TUFT1: variants seen among roughly 807,000 people sequenced by gnomAD.
TUFT1 encodes the protein tuftelin 1.
TUFT1 carries 43 observed loss-of-function variants against 57.8 expected under a neutral mutation model. The observed-to-expected ratio is 0.74, with a 90% CI of 0.58 to 0.96. TUFT1 has a LOEUF of 0.96. Ranked by LOEUF, TUFT1 falls within the 40% of genes least tolerant of loss-of-function variation. The pLI, the probability that TUFT1 is intolerant of heterozygous loss-of-function variation, is 0.00. For synonymous variants in TUFT1, 166 were observed against 176.7 expected, an observed-to-expected ratio of 0.94 and a Z score of 0.48; for missense variants, 459 against 489.0, an observed-to-expected ratio of 0.94 and a Z score of 0.58.
Position 151,579,746 on chromosome 1 carries a change from G to C in TUFT1, c.1008+14G>C. ...CTGGAGGCAGAGGTGTGTGTGCTGG[G>C]CAGCCCAGCAGGGGAACAGGACTCT... On this transcript the variant is annotated intron_variant, in intron 11 of 12. Coordinates refer to ENST00000368849, the MANE Select transcript of TUFT1 (RefSeq NM_020127.3). 1 of 1,611,666 alleles carries C rather than the reference G, an allele frequency of 6.2e-7. No homozygotes were observed. Among genetic ancestry groups the C allele is most frequent in the South Asian group, 1.1e-5 (1 of 90,588 alleles).
chr1:151,550,423 C>T (rs2102522246), intron 1 of TUFT1, among the ~76,000 whole-genome samples: 1 of 152,306 alleles, frequency 6.6e-6, no homozygotes, highest in South Asian at 2.1e-4. Context: ...TGGCTCACTG[C>T]AGCCTCCGCC....
At chr1:151,564,014 C>T (rs754370476) in intron 4 of TUFT1, 24 bp downstream of exon 4, 2 of 1,572,024 alleles carry the variant, frequency 1.3e-6, no homozygotes, top group South Asian at 1.1e-5. Flanking sequence ...ACCTCTCACG[C>T]AGTGCCTAGG....
chr1:151,563,011 C>G (rs746931088), intron 3 of TUFT1, among the ~76,000 whole-genome samples: 2 of 151,994 alleles, frequency 1.3e-5, no homozygotes, highest in Non-Finnish European at 2.9e-5. Context: ...CTTATGTTTT[C>G]CTATAATGGG....
intron 1 of TUFT1, among the ~76,000 whole-genome samples, chr1:151,555,254 G>T (rs1665652854): frequency 6.6e-6 from 1 of 150,742 alleles, no homozygotes; most frequent in South Asian, 2.1e-4. Context: ...GCTTGAACTG[G>T]GGAGTCAGAG....
intron 1 of TUFT1, among the ~76,000 whole-genome samples, chr1:151,554,695 C>CCTTTTTTTTTTTTTTTTTTT (rs1553249393): frequency 1.2e-5 from 1 of 85,652 alleles, no homozygotes; most frequent in African/African-American, 5.1e-5. Context: ...GCCCGGCCCC[C>CCTTTTTTTTTTTTTTTTTTT]TTTTTTTTTT....
At chr1:151,548,752 C>CT (rs143265314) in intron 1 of TUFT1, among the ~76,000 whole-genome samples, 77 of 152,250 alleles carry the variant, frequency 5.1e-4, no homozygotes, top group African/African-American at 1.8e-3. Context: ...TTGCTGGTTT[C>CT]CAGCTCAGGG....
At chr1:151,579,538 T>G (rs1191643616) in intron 10 of TUFT1, 111 bp from the exon 11 acceptor site, 12 of 946,414 alleles carry the variant, frequency 1.3e-5, no homozygotes, top group Non-Finnish European at 1.9e-5. Flanking sequence ...GCTAATGAAG[T>G]CATATGGAGT....
intron 1 of TUFT1, among the ~76,000 whole-genome samples, chr1:151,543,023 A>G (rs1363966554): frequency 6.6e-6 from 1 of 152,174 alleles, no homozygotes; most frequent in Non-Finnish European, 1.5e-5. Context: ...TAGAGATCCT[A>G]CTGGGAGTGA....
intron 1 of TUFT1, chr1:151,540,683 C>T (rs974621938): frequency 2.1e-6 from 1 of 465,412 alleles, no homozygotes; most frequent in South Asian, 2.4e-5. Flanking sequence ...GCCTGGGACT[C>T]GGCGCCGGCG....
intron 7 of TUFT1, among the ~76,000 whole-genome samples, chr1:151,573,995 C>T (rs1013569438): frequency 6.6e-6 from 1 of 152,070 alleles, no homozygotes; most frequent in Admixed American, 6.6e-5. Context: ...GAAGGAGTCA[C>T]CTATCTGAAA....
chr1:151,552,620 C>G (rs1353899262), intron 1 of TUFT1, among the ~76,000 whole-genome samples: 2 of 134,176 alleles, frequency 1.5e-5, no homozygotes, highest in Non-Finnish European at 3.1e-5. Context: ...AGGAGAATTG[C>G]TTGAGCCCGG....
Position 151,574,299 on chromosome 1 carries a change from A to G in TUFT1, c.624A>G (p.Ala208=), listed in dbSNP as rs755652458. 12 of 1,614,156 alleles carry G rather than the reference A, an allele frequency of 7.4e-6. No individual in the cohort carries two copies. In the East Asian group the frequency reaches 1.1e-4, roughly 15 times the overall value. ...CACTCAGCCGGTACCAGAGGGAAGC[A>G]GAACAAAGTAATGTGGCCCTTCAGA... ...EVTLSRYQRE[A]EQSNVALQRE... is the part of the protein sequence containing the mutation. Residue 208 remains alanine (A), a synonymous_variant, in exon 8 of 13, where the codon GCA becomes GCG. Coordinates refer to ENST00000368849, the MANE Select transcript of TUFT1 (RefSeq NM_020127.3).
intron 4 of TUFT1, among the ~76,000 whole-genome samples, chr1:151,564,321 A>G (rs930582682): frequency 6.6e-6 from 1 of 151,902 alleles, no homozygotes; most frequent in Non-Finnish European, 1.5e-5. Context: ...CATTTTACTT[A>G]TTTGTCTTTT....
intron 1 of TUFT1, among the ~76,000 whole-genome samples, chr1:151,552,073 T>G (rs2102524080): frequency 6.6e-6 from 1 of 152,310 alleles, no homozygotes; most frequent in East Asian, 1.9e-4. Context: ...ATATTAGTTT[T>G]GCTTATTTTT....
At chr1:151,569,590 G>A (rs954467441) in intron 6 of TUFT1, 67 bp from the exon 7 acceptor site, 73 of 1,315,282 alleles carry the variant, frequency 5.6e-5, no homozygotes, top group Admixed American at 4.1e-4. Context: ...TGCCTGGGAG[G>A]GGGGACCTTT....
At chr1:151,572,366 A>AT (rs1666281819) in intron 7 of TUFT1, among the ~76,000 whole-genome samples, 1 of 151,584 alleles carries the variant, frequency 6.6e-6, no homozygotes. Context: ...AGGGGAGTCT[A>AT]TTTTTTTTAA....
At chr1:151,544,351 C>T (rs547659564) in intron 1 of TUFT1, among the ~76,000 whole-genome samples, 13 of 152,150 alleles carry the variant, frequency 8.5e-5, no homozygotes, top group Admixed American at 2.0e-4. Context: ...GGCTGGGGTG[C>T]GGTGGCACAA....
intron 1 of TUFT1, among the ~76,000 whole-genome samples, chr1:151,550,218 A>C (rs908308290): frequency 4.6e-5 from 7 of 151,260 alleles, no homozygotes; most frequent in Non-Finnish European, 1.0e-4. Flanking sequence ...TTTTTAGTAG[A>C]GACGGGGTTT....
rs1271148354 is a variant in TUFT1 at position 151,578,816 on chromosome 1, T to C, written c.914T>C (p.Met305Thr). The C allele has an allele frequency of 1.9e-6, 3 of 1,566,548 alleles. No homozygotes were observed. The East Asian group carries it at 7.1e-5, about 37-fold the overall frequency. Reference protein sequence around the residue: ...LKSQQRKVRQMIEQLQNSKAV... With the variant: ...LKSQQRKVRQTIEQLQNSKAV... Reference sequence around the variant, plus strand: ...AGCCAGCAGCGGAAAGTCCGGCAAATGATAGAGCAGGTAAGTTGGGCTGGT... The same window carrying C: ...AGCCAGCAGCGGAAAGTCCGGCAAACGATAGAGCAGGTAAGTTGGGCTGGT... Residue 305 changes from methionine to threonine, a missense_variant, in exon 10 of 13, where the codon ATG (methionine) becomes ACG (threonine). By Grantham distance (81) the Met-to-Thr change is moderately conservative (BLOSUM62 -1). Transcript: ENST00000368849.
Sources: allele counts gnomAD v4.1 joint callset (sites outside exome capture counted in the v4.1 genomes callset), GRCh38; gene constraint gnomAD v4.1.1; transcripts MANE v1.5; gene names NCBI Gene and HGNC (gene_info 2026-07-23, HGNC 2026-07-21).